Variants in RPS6KC1 observed in about 807,000 individuals in gnomAD.
RPS6KC1 encodes ribosomal protein S6 kinase C1.
A neutral mutation model predicts 103.8 loss-of-function variants in RPS6KC1; 54 were observed. The ratio of observed to expected loss-of-function variants is 0.52; its 90% CI spans 0.42 to 0.65. The LOEUF (loss-of-function observed/expected upper bound fraction) is 0.65, where lower values mean the gene tolerates loss of function less well. RPS6KC1 is among the 30% of genes least tolerant of loss of function. RPS6KC1 has a pLI of 0.00. For missense variants in RPS6KC1, 1,151 were observed against 1,253.8 expected, an observed-to-expected ratio of 0.92 and a Z score of 1.24; for synonymous variants, 439 against 438.7, an observed-to-expected ratio of 1.00 and a Z score of -0.01.
At chr1:213,653,617 G>A in the RPS6KC1 span, among the ~76,000 whole-genome samples, 1 of 151,792 alleles carries the variant, frequency 6.6e-6, no homozygotes, top group Non-Finnish European at 1.5e-5. Context: ...AATTTATCTT[G>A]ACATAATTTC....
chr1:213,164,630 G>A (rs148647569), intron 6 of RPS6KC1, among the ~76,000 whole-genome samples: 150 of 152,190 alleles, frequency 9.9e-4, no homozygotes, highest in African/African-American at 3.5e-3. Context: ...TGGCATGAGC[G>A]TGGCTCACCA....
chr1:213,633,920 G>GT, the RPS6KC1 span, among the ~76,000 whole-genome samples: 2 of 111,696 alleles, frequency 1.8e-5, no homozygotes, highest in African/African-American at 6.8e-5. Context: ...AAAAGCAGGG[G>GT]TTGCAATCCT....
At chr1:213,402,129 C>T in the RPS6KC1 span, among the ~76,000 whole-genome samples, 1 of 152,160 alleles carries the variant, frequency 6.6e-6, no homozygotes, top group Non-Finnish European at 1.5e-5. Flanking sequence ...TCAAATTCCT[C>T]CCAAGGAGCC....
the RPS6KC1 span, among the ~76,000 whole-genome samples, chr1:213,554,865 A>C: frequency 6.6e-6 from 1 of 152,244 alleles, no homozygotes; most frequent in Non-Finnish European, 1.5e-5. Flanking sequence ...TATGCATTTC[A>C]TTATAACATA....
At chr1:213,707,910 T>C in the RPS6KC1 span, among the ~76,000 whole-genome samples, 12 of 152,336 alleles carry the variant, frequency 7.9e-5, no homozygotes, top group Non-Finnish European at 1.6e-4. Flanking sequence ...TATATCTGTT[T>C]TGGTGCCAGT....
the RPS6KC1 span, among the ~76,000 whole-genome samples, chr1:213,427,072 G>C: frequency 1.3e-5 from 2 of 152,210 alleles, no homozygotes; most frequent in Non-Finnish European, 2.9e-5. Context: ...GTTTTCCCAT[G>C]TGGATGCATG....
chr1:213,055,766 A>G (rs149752893), intron 1 of RPS6KC1, among the ~76,000 whole-genome samples: 2 of 152,370 alleles, frequency 1.3e-5, no homozygotes, highest in Non-Finnish European at 2.9e-5. Flanking sequence ...GAGAATGTAG[A>G]TGAATTTCAG....
chr1:213,237,120 T>C lies in RPS6KC1; in HGVS notation c.1226-3582T>C, dbSNP rs77408583. Among the ~76,000 whole-genome samples the C allele has an allele frequency of 2.9e-3, 443 of 152,208 alleles. 1 individual carries two copies. The highest frequency in any genetic ancestry group is 9.3e-3 in the African/African-American group (386 of 41,544). The stretch of plus-strand genomic sequence containing the variant: ...TTACATATTGCCTTGAGCTTGCATT[T>C]TTTCCCCCATCTCAAAAGTGTACCT... On this transcript the variant is annotated intron_variant, in intron 10 of 14. Coordinates refer to ENST00000366960, the MANE Select transcript of RPS6KC1 (RefSeq NM_012424.6).
the RPS6KC1 span, among the ~76,000 whole-genome samples, chr1:213,486,794 C>A: frequency 2.6e-5 from 4 of 152,122 alleles, no homozygotes; most frequent in African/African-American, 7.2e-5. Flanking sequence ...ACAAGGTAGT[C>A]AAGATACGGG....
chr1:213,158,090 C>A (rs1265905498), intron 6 of RPS6KC1, among the ~76,000 whole-genome samples: 4 of 151,882 alleles, frequency 2.6e-5, no homozygotes, highest in Non-Finnish European at 5.9e-5. Flanking sequence ...ATAGTTAGAT[C>A]CTGTATAGTT....
At chr1:213,553,655 C>A in the RPS6KC1 span, among the ~76,000 whole-genome samples, 1 of 152,000 alleles carries the variant, frequency 6.6e-6, no homozygotes, top group Non-Finnish European at 1.5e-5. Flanking sequence ...TGCAGTGTAT[C>A]AGCGTTTCCT....
chr1:213,292,162 A>G, the RPS6KC1 span, among the ~76,000 whole-genome samples: 1 of 152,124 alleles, frequency 6.6e-6, no homozygotes, highest in African/African-American at 2.4e-5. Flanking sequence ...ATGACGAGTT[A>G]ATGGATGCAG....
intron 8 of RPS6KC1, among the ~76,000 whole-genome samples, chr1:213,187,610 C>T (rs1000291468): frequency 2.0e-5 from 3 of 151,646 alleles, no homozygotes; most frequent in Non-Finnish European, 2.9e-5. Context: ...TCTTGGAGGT[C>T]GCTGACTTTC....
At chr1:213,680,666 G>C in the RPS6KC1 span, among the ~76,000 whole-genome samples, 1 of 152,130 alleles carries the variant, frequency 6.6e-6, no homozygotes, top group Non-Finnish European at 1.5e-5. Flanking sequence ...GGCTCGGGAG[G>C]GGGAAGGAGG....
the RPS6KC1 span, among the ~76,000 whole-genome samples, chr1:213,430,019 T>A: frequency 3.1e-4 from 47 of 152,158 alleles, no homozygotes; most frequent in Admixed American, 3.1e-3. Flanking sequence ...AAAGTAGCAA[T>A]CATGAAGGAA....
At chr1:213,315,008 G>A in the RPS6KC1 span, among the ~76,000 whole-genome samples, 7 of 152,052 alleles carry the variant, frequency 4.6e-5, no homozygotes, top group Non-Finnish European at 1.0e-4. Flanking sequence ...TACTATTCGA[G>A]CCCCGTAATT....
At chr1:213,719,884 T>G in the RPS6KC1 span, among the ~76,000 whole-genome samples, 8 of 152,218 alleles carry the variant, frequency 5.3e-5, no homozygotes, top group Admixed American at 2.0e-4. Flanking sequence ...CAGATATTTG[T>G]GCCTACTTTA....
the RPS6KC1 span, among the ~76,000 whole-genome samples, chr1:213,565,345 C>T: frequency 3.9e-5 from 6 of 152,106 alleles, no homozygotes; most frequent in Admixed American, 2.0e-4. Flanking sequence ...TGATAATGTC[C>T]TTAGAGTAGA....
chr1:213,310,939 G>A, the RPS6KC1 span, among the ~76,000 whole-genome samples: 1 of 152,046 alleles, frequency 6.6e-6, no homozygotes, highest in African/African-American at 2.4e-5. Flanking sequence ...CCAGGGTGAA[G>A]CCTCACACGG....
Sources: allele counts gnomAD v4.1 joint callset (sites outside exome capture counted in the v4.1 genomes callset), GRCh38; gene constraint gnomAD v4.1.1; transcripts MANE v1.5; gene names NCBI Gene and HGNC (gene_info 2026-07-23, HGNC 2026-07-21).